The following PLCB1 variants were observed in gnomAD, a reference collection of about 807,000 sequenced individuals.
The protein encoded by PLCB1 is phospholipase C beta 1, also known as 1-phosphatidylinositol 4,5-bisphosphate phosphodiesterase beta-1.
A neutral mutation model predicts 161.8 loss-of-function variants in PLCB1; 46 were observed. That is an observed-to-expected ratio of 0.28 (90% CI 0.22 to 0.36). The LOEUF (loss-of-function observed/expected upper bound fraction) is 0.36, where lower values mean the gene tolerates loss of function less well. Ranked by LOEUF, PLCB1 falls within the 10% of genes least tolerant of loss-of-function variation. The pLI is 1.00. For missense variants in PLCB1, 1,016 were observed against 1,472.5 expected (o/e 0.69, Z 5.07); for synonymous variants, 517 against 503.7 (o/e 1.03, Z -0.35).
intron 4 of PLCB1, among the ~76,000 whole-genome samples, chr20:8,638,322 G>C (rs1400894693): frequency 1.3e-5 from 2 of 152,098 alleles, no homozygotes; most frequent in Non-Finnish European, 2.9e-5. Context: ...AAGAGAGTTT[G>C]AGTATGTTGC....
At chr20:8,409,462 A>ATTG (rs941033815) in intron 3 of PLCB1, among the ~76,000 whole-genome samples, 2 of 150,448 alleles carry the variant, frequency 1.3e-5, no homozygotes, top group South Asian at 2.1e-4. Flanking sequence ...TATTATTATT[A>ATTG]TTGTTATTAT....
chr20:8,430,625 A>T (rs1193148504), intron 3 of PLCB1, among the ~76,000 whole-genome samples: 1 of 152,192 alleles, frequency 6.6e-6, no homozygotes, highest in Non-Finnish European at 1.5e-5. Context: ...AGCAGTGCTG[A>T]TTATGATGGA....
At chr20:8,682,014 G>T (rs1990233983) in intron 9 of PLCB1, among the ~76,000 whole-genome samples, 1 of 152,110 alleles carries the variant, frequency 6.6e-6, no homozygotes, top group African/African-American at 2.4e-5. Context: ...TTCAAGGGGT[G>T]AATGGCCTTA....
Position 8,842,997 on chromosome 20 carries a change from T to C in PLCB1, c.3424-38625T>C, listed in dbSNP as rs560042708. Among the ~76,000 whole-genome samples the C allele has an allele frequency of 2.6e-5, 4 of 152,244 alleles. No individual in the cohort carries two copies. The South Asian group carries it at 8.3e-4, about 32-fold the overall frequency. The stretch of plus-strand genomic sequence containing the variant: ...CCTTAATAGTTAAATGATTTGGCAA[T>C]AACAACAGGCCGAAATATAAAAGAG... On this transcript the variant is annotated intron_variant, in intron 31 of 31. Transcript: ENST00000338037.
chr20:8,668,670 G>C (rs1568553739), intron 9 of PLCB1, among the ~76,000 whole-genome samples: 2 of 152,154 alleles, frequency 1.3e-5, no homozygotes. Context: ...CCCAACCACA[G>C]CCATTGTTGG....
chr20:8,133,415 G>C (rs1014945670), intron 1 of PLCB1, among the ~76,000 whole-genome samples: 5 of 152,092 alleles, frequency 3.3e-5, no homozygotes, highest in African/African-American at 1.2e-4. Flanking sequence ...CTGCAGGCAA[G>C]TGGGGAGGGC....
chr20:8,402,687 A>C (rs1191421320), intron 3 of PLCB1, among the ~76,000 whole-genome samples: 1 of 151,290 alleles, frequency 6.6e-6, no homozygotes, highest in African/African-American at 2.4e-5. Flanking sequence ...ACAAAAAAAA[A>C]AAAAAAAATT....
At chr20:8,473,206 T>G (rs1161342247) in intron 3 of PLCB1, among the ~76,000 whole-genome samples, 1 of 152,196 alleles carries the variant, frequency 6.6e-6, no homozygotes, top group African/African-American at 2.4e-5. Context: ...TGCAGTGATC[T>G]TGACATACAC....
chr20:8,434,748 C>T (rs900471047), intron 3 of PLCB1, among the ~76,000 whole-genome samples: 2 of 152,312 alleles, frequency 1.3e-5, no homozygotes, highest in Middle Eastern at 3.4e-3. Context: ...CTCTAGAGCT[C>T]ATGAGCTTAA....
chr20:8,440,138 T>C (rs1980490733), intron 3 of PLCB1, among the ~76,000 whole-genome samples: 1 of 152,170 alleles, frequency 6.6e-6, no homozygotes, highest in Admixed American at 6.6e-5. Flanking sequence ...CACCTCAAGG[T>C]CGCCATGAAA....
chr20:8,570,897 A>G (rs1986486663), intron 3 of PLCB1, among the ~76,000 whole-genome samples: 1 of 152,200 alleles, frequency 6.6e-6, no homozygotes, highest in South Asian at 2.1e-4. Context: ...CATCCAGGCA[A>G]AGATCAGGGG....
intron 2 of PLCB1, among the ~76,000 whole-genome samples, chr20:8,363,516 A>G (rs1372475251): frequency 6.6e-6 from 1 of 152,176 alleles, no homozygotes; most frequent in African/African-American, 2.4e-5. Flanking sequence ...CCTACCCAAG[A>G]TATCTCTCTT....
chr20:8,344,922 A>G (rs1775206), intron 2 of PLCB1, among the ~76,000 whole-genome samples: 32,626 of 152,058 alleles, frequency 0.21, 3,710 homozygotes, highest in East Asian at 0.41. Context: ...AATAGATGCA[A>G]ATTTGGCACG....
At chr20:8,218,370 T>G (rs1431004053) in intron 2 of PLCB1, among the ~76,000 whole-genome samples, 6 of 152,112 alleles carry the variant, frequency 3.9e-5, no homozygotes. Context: ...ACAGTTTTCA[T>G]ATAACAAACT....
At chr20:8,826,927 G>C (rs1189688762) in intron 31 of PLCB1, among the ~76,000 whole-genome samples, 1 of 152,160 alleles carries the variant, frequency 6.6e-6, no homozygotes, top group Non-Finnish European at 1.5e-5. Flanking sequence ...ATGAAGTGCT[G>C]AGATTTGATT....
At chr20:8,525,482 T>C (rs1984548518) in intron 3 of PLCB1, among the ~76,000 whole-genome samples, 1 of 152,210 alleles carries the variant, frequency 6.6e-6, no homozygotes, top group South Asian at 2.1e-4. Context: ...TCAATTAGGC[T>C]GATTAATTTC....
At chr20:8,452,053 G>T (rs1007864769) in intron 3 of PLCB1, among the ~76,000 whole-genome samples, 3 of 152,104 alleles carry the variant, frequency 2.0e-5, no homozygotes, top group Non-Finnish European at 2.9e-5. Context: ...AGATTTGTGA[G>T]GAAAATTTGA....
At chr20:8,591,604 G>C (rs1486275036) in intron 3 of PLCB1, among the ~76,000 whole-genome samples, 1 of 152,164 alleles carries the variant, frequency 6.6e-6, no homozygotes, top group East Asian at 1.9e-4. Context: ...TCAGTAAACT[G>C]TATTCACACC....
Position 8,882,201 on chromosome 20 carries a change from G to A in PLCB1, c.*352G>A, listed in dbSNP as rs1400749312. ...GCTCGTGTTTTTATTCGAAGCTCTGGTGTAAAATATTTCAAAGTCATAGAA... is the reference window on the plus strand; with the variant it reads ...GCTCGTGTTTTTATTCGAAGCTCTGATGTAAAATATTTCAAAGTCATAGAA... On this transcript the variant is annotated 3_prime_UTR_variant, in exon 32 of 32. Coordinates refer to ENST00000338037, the MANE Select transcript of PLCB1 (RefSeq NM_015192.4). The A allele has an allele frequency of 2.6e-5, 6 of 227,984 alleles. No homozygotes were observed. Among genetic ancestry groups the A allele is most frequent in the Admixed American group, 5.2e-5 (1 of 19,354 alleles). The allele number at this position is 227,984 out of a possible 1,614,324, so 14.1% of individuals were successfully genotyped here.
Sources: gnomAD v4.1 joint callset for allele counts (sites outside exome capture counted in the v4.1 genomes callset) on GRCh38, gnomAD v4.1.1 for gene constraint, MANE v1.5 for transcripts, NCBI Gene and HGNC (gene_info 2026-07-23, HGNC 2026-07-21) for gene names.